The following LIPJ variants were observed in gnomAD, a reference collection of about 807,000 sequenced individuals.
LIPJ encodes lipase member J.
LIPJ carries 33 observed loss-of-function variants against 39.8 expected under a neutral mutation model. The observed-to-expected ratio is 0.83, with a 90% confidence interval of 0.63 to 1.11. The LOEUF (loss-of-function observed/expected upper bound fraction) is 1.11. Among genes scored for constraint, LIPJ ranks in the 50% least tolerant of loss-of-function variants. The probability of loss-of-function intolerance (pLI) is 0.00; values close to 1 mark genes in which losing one functional copy is unlikely to be tolerated. For missense variants in LIPJ, 422 were observed against 427.9 expected, an observed-to-expected ratio of 0.99 and a Z score of 0.12; for synonymous variants, 128 against 139.2, an observed-to-expected ratio of 0.92 and a Z score of 0.57.
At chr10:88,614,377 G>T in the LIPJ span, among the ~76,000 whole-genome samples, 104 of 152,156 alleles carry the variant, frequency 6.8e-4, no homozygotes, top group Admixed American at 2.6e-3. Flanking sequence ...GGGATTCATT[G>T]TATTATTTTT....
chr10:88,609,671 C>T (rs545717281), downstream of LIPJ, among the ~76,000 whole-genome samples: 18 of 152,174 alleles, frequency 1.2e-4, no homozygotes, highest in South Asian at 3.3e-3. Flanking sequence ...GAGGCTGAGG[C>T]GGGTGGATCA....
chr10:88,613,374 C>T, the LIPJ span, among the ~76,000 whole-genome samples: 16 of 151,910 alleles, frequency 1.1e-4, no homozygotes, highest in South Asian at 3.3e-3. Flanking sequence ...CACAGGTTTA[C>T]CCAGTGAATG....
At chr10:88,588,976 A>G (rs1850999255) in intron 2 of LIPJ, among the ~76,000 whole-genome samples, 1 of 151,862 alleles carries the variant, frequency 6.6e-6, no homozygotes, top group Admixed American at 6.6e-5. Context: ...TTTTCTTTGT[A>G]TAAAAATATT....
intron 4 of LIPJ, 99 bp from the exon 5 acceptor site, chr10:88,593,847 C>A: frequency 9.9e-7 from 1 of 1,007,804 alleles, no homozygotes; most frequent in Non-Finnish European, 1.4e-6. Context: ...TTTTTAAAAT[C>A]TTTAAACTGT....
At chr10:88,620,293 G>A in the LIPJ span, among the ~76,000 whole-genome samples, 2 of 152,044 alleles carry the variant, frequency 1.3e-5, no homozygotes, top group Non-Finnish European at 2.9e-5. Flanking sequence ...CATTCCAATA[G>A]GAAGATTAGA....
rs1428585042 is a variant in LIPJ at position 88,598,842 on chromosome 10, GAGA to G, written c.723+1911_723+1913del. On this transcript the variant is annotated intron_variant, in intron 8 of 10. Transcript: ENST00000371939. ...TATATTGGAGCTTATTTCAAATACA[GAGA>G]AGAATTATAATTAGAGGACATAATA... is the stretch of plus-strand genomic sequence containing the variant. Among the ~76,000 whole-genome samples, 13 of 151,234 alleles carry G rather than the reference GAGA, an allele frequency of 8.6e-5. No homozygotes were observed. The South Asian group carries it at 2.3e-3, about 27-fold the overall frequency.
chr10:88,617,009 C>G, the LIPJ span, among the ~76,000 whole-genome samples: 3 of 152,078 alleles, frequency 2.0e-5, no homozygotes, highest in Admixed American at 6.5e-5. Flanking sequence ...TCCCATAGCC[C>G]CACCACTCTC....
At chr10:88,614,071 A>C in the LIPJ span, among the ~76,000 whole-genome samples, 1 of 151,630 alleles carries the variant, frequency 6.6e-6, no homozygotes, top group South Asian at 2.1e-4. Flanking sequence ...TCTTATTTGG[A>C]TCTTAAGCAC....
rs866182002 is a variant in LIPJ, at chr10:88,591,368, C to G, written c.10-10C>G. 6.4e-6 allele frequency: 10 copies of G among 1,572,642 alleles called. No homozygotes were observed. Among genetic ancestry groups the G allele is most frequent in the Middle Eastern group, 1.7e-4 (1 of 5,868 alleles). On this transcript the variant is annotated splice_polypyrimidine_tract_variant and intron_variant, in intron 3 of 10. Transcript: ENST00000371939. ...TTTTATGCTAAAAGATTTGCTTTTT[C>G]TTTATCTAGAGCCAGATTATTTCCT...
At chr10:88,588,383 T>C (rs1252101252) in intron 2 of LIPJ, among the ~76,000 whole-genome samples, 1 of 151,868 alleles carries the variant, frequency 6.6e-6, no homozygotes, top group Non-Finnish European at 1.5e-5. Flanking sequence ...ATCAACTATT[T>C]TTCTTGTAGT....
chr10:88,612,855 T>C, the LIPJ span, among the ~76,000 whole-genome samples: 192 of 151,956 alleles, frequency 1.3e-3, no homozygotes, highest in Admixed American at 2.5e-3. Flanking sequence ...AAAGAAACAA[T>C]GGACCTAAAC....
chr10:88,590,641 C>T lies in LIPJ; in HGVS notation c.-47C>T, dbSNP rs80348450. The T allele has an allele frequency of 1.8e-3, 2,689 of 1,496,990 alleles. 52 individuals are homozygous for T. In the African/African-American group the frequency reaches 0.034, roughly 19 times the overall value. 92.7% of individuals were successfully genotyped at this position (1,496,990 alleles called of 1,614,324 possible). ...TATTTTATCCGAATTCTTGGAATTA[C>T]TCATGGTGTCTTTCAAAATTAAAGA... On this transcript the variant is annotated 5_prime_UTR_variant, in exon 3 of 11. Coordinates refer to ENST00000371939, the Ensembl canonical transcript of LIPJ.
At chr10:88,601,786 C>T (rs1363759816) in intron 8 of LIPJ, among the ~76,000 whole-genome samples, 3 of 152,150 alleles carry the variant, frequency 2.0e-5, no homozygotes, top group Admixed American at 6.5e-5. Context: ...CATGATACCT[C>T]TCTCTTCATA....
chr10:88,588,566 T>C (rs113286347), intron 2 of LIPJ, among the ~76,000 whole-genome samples: 3,058 of 151,988 alleles, frequency 0.02, 78 homozygotes, highest in South Asian at 0.085. Context: ...CCATTCAGCA[T>C]GATATGGATG....
At chr10:88,617,916 G>A in the LIPJ span, among the ~76,000 whole-genome samples, 1 of 152,108 alleles carries the variant, frequency 6.6e-6, no homozygotes, top group African/African-American at 2.4e-5. Context: ...AGCTACTTTG[G>A]AATAAATTTG....
intron 8 of LIPJ, among the ~76,000 whole-genome samples, chr10:88,598,381 A>G (rs17345638): frequency 0.081 from 12,369 of 152,106 alleles, 675 homozygotes; most frequent in South Asian, 0.14. Context: ...TGATGCAAGA[A>G]AAAACAGATG....
At chr10:88,613,770 G>GTGTATATATATATATATATATA in the LIPJ span, among the ~76,000 whole-genome samples, 1 of 75,532 alleles carries the variant, frequency 1.3e-5, no homozygotes, top group Non-Finnish European at 2.8e-5. Flanking sequence ...ATGTGTGTGT[G>GTGTATATATATATATATATATA]TATATATATA....
Position 88,606,582 on chromosome 10 carries a change from G to T in LIPJ, c.868-92G>T, listed in dbSNP as rs1465386661. The T allele has an allele frequency of 4.2e-6, 3 of 715,554 alleles. No individual in the cohort carries two copies. In the African/African-American group the frequency reaches 5.4e-5, roughly 13 times the overall value. 44.3% of individuals were successfully genotyped at this position (715,554 alleles called of 1,614,324 possible). Reference sequence around the variant, plus strand: ...ATTAGATTTGACTTATTTTAAAACAGTATTTAAACTCATCATTTTAACAAT... The same window carrying T: ...ATTAGATTTGACTTATTTTAAAACATTATTTAAACTCATCATTTTAACAAT... On this transcript the variant is annotated intron_variant, in intron 10 of 10. Transcript: ENST00000371939.
Position 88,596,783 on chromosome 10 carries a change from T to C in LIPJ, c.577-7T>C. On this transcript the variant is annotated splice_region_variant and splice_polypyrimidine_tract_variant and intron_variant, in intron 7 of 10. Coordinates refer to ENST00000371939, the Ensembl canonical transcript of LIPJ. ...CCAAATGTGGATAAAATAAATTTAT[T>C]TTACAGGCTTTTTCAGGCAACAAAG... 1.3e-6 allele frequency: 2 copies of C among 1,595,582 alleles called. No homozygotes were observed. Among genetic ancestry groups the C allele is most frequent in the Non-Finnish European group, 1.7e-6 (2 of 1,171,460 alleles).
Sources: gnomAD v4.1 joint callset for allele counts (sites outside exome capture counted in the v4.1 genomes callset) on GRCh38, gnomAD v4.1.1 for gene constraint, MANE v1.5 for transcripts, NCBI Gene and HGNC (gene_info 2026-07-23, HGNC 2026-07-21) for gene names.